Variants in CALCRL observed in about 807,000 individuals in gnomAD.
CALCRL encodes the protein calcitonin receptor like receptor, also known as calcitonin gene-related peptide type 1 receptor.
In CALCRL, 27 loss-of-function variants were observed where a neutral mutation model predicts 60.4. The ratio of observed to expected loss-of-function variants is 0.45; its 90% CI spans 0.33 to 0.62. The LOEUF (loss-of-function observed/expected upper bound fraction) is 0.62. CALCRL is among the 20% of genes least tolerant of loss of function. The pLI, the probability that CALCRL is intolerant of heterozygous loss-of-function variation, is 0.03. For synonymous variants in CALCRL, 190 were observed against 182.6 expected, an observed-to-expected ratio of 1.04 and a Z score of -0.33; for missense variants, 424 against 540.7, an observed-to-expected ratio of 0.78 and a Z score of 2.14.
chr2:187,345,893 A>G lies in CALCRL; in HGVS notation c.*291T>C. On this transcript the variant is annotated 3_prime_UTR_variant, in exon 15 of 15. Coordinates refer to ENST00000392370, the MANE Select transcript of CALCRL (RefSeq NM_005795.6). The stretch of plus-strand genomic sequence containing the variant: ...TGGAACTGGCTTACACCAGCTCAGA[A>G]AAGTTGATTGTGCTTTTCTCCAATT... 1 of 258,458 alleles carries G rather than the reference A, an allele frequency of 3.9e-6. No individual in the cohort carries two copies. Among genetic ancestry groups the G allele is most frequent in the South Asian group, 7.7e-5 (1 of 12,966 alleles). The allele number at this position is 258,458 out of a possible 1,614,324, so 16.0% of individuals were successfully genotyped here. A position where few individuals can be genotyped will look rare whatever the true frequency, so the allele number is the denominator to read the frequency against.
At chr2:187,419,037 T>A (rs928175514) in intron 1 of CALCRL, among the ~76,000 whole-genome samples, 1 of 146,358 alleles carries the variant, frequency 6.8e-6, no homozygotes, top group Admixed American at 6.8e-5. Flanking sequence ...TTTTTTTTTT[T>A]TTTTTTTTTT....
chr2:187,404,257 A>T (rs1409145474), intron 1 of CALCRL, among the ~76,000 whole-genome samples: 1 of 151,880 alleles, frequency 6.6e-6, no homozygotes, highest in Non-Finnish European at 1.5e-5. Flanking sequence ...ACCGAATCTT[A>T]AGATGGTGCA....
At chr2:187,346,621 T>G (rs1018970707) in intron 14 of CALCRL, among the ~76,000 whole-genome samples, 22 of 151,896 alleles carry the variant, frequency 1.4e-4, no homozygotes, top group South Asian at 4.1e-4. Flanking sequence ...TTACATTCCA[T>G]TAATATTTTT....
intron 1 of CALCRL, among the ~76,000 whole-genome samples, chr2:187,435,860 T>TGTGTG (rs1553516601): frequency 4.1e-5 from 3 of 72,870 alleles, no homozygotes; most frequent in African/African-American, 9.2e-5. Context: ...GTGTGTGTGT[T>TGTGTG]TGTGCGTGCG....
chr2:187,367,843 TTTTAAAATGCCATTTCAACA>T (rs1417885954), intron 8 of CALCRL, among the ~76,000 whole-genome samples: 1 of 152,112 alleles, frequency 6.6e-6, no homozygotes. Flanking sequence ...CATATAATTA[TTTTAAAATGCCATTTCAACA>T]TTTAAAATGC....
chr2:187,446,057 C>A (rs1691165663), intron 1 of CALCRL, among the ~76,000 whole-genome samples: 1 of 151,488 alleles, frequency 6.6e-6, no homozygotes, highest in Non-Finnish European at 1.5e-5. Flanking sequence ...AAAACATTAT[C>A]TCTTTAAGAA....
chr2:187,346,185 C>T lies in CALCRL; in HGVS notation c.1385G>A (p.Ter462=). 6.4e-7 allele frequency: 1 copy of T among 1,573,180 alleles called. No homozygotes were observed. Among genetic ancestry groups the T allele is most frequent in the Non-Finnish European group, 8.7e-7 (1 of 1,148,316 alleles). Residue 462 remains the stop codon, a stop_retained_variant, in exon 15 of 15, where the codon TGA becomes TAA. Coordinates refer to ENST00000392370, the MANE Select transcript of CALCRL (RefSeq NM_005795.6). ...AGTGAGACAACCATCCTTCTATTTT[C>T]AATTATATAAATTTTCTGGTTTTAA... ...VLLKPENLYN[*] is the part of the protein sequence containing the mutation.
intron 8 of CALCRL, among the ~76,000 whole-genome samples, chr2:187,369,726 A>C (rs1234510542): frequency 1.3e-5 from 2 of 152,180 alleles, no homozygotes; most frequent in Non-Finnish European, 2.9e-5. Context: ...AAATTAAACA[A>C]TGTAATCCCA....
intron 1 of CALCRL, among the ~76,000 whole-genome samples, chr2:187,395,732 T>A (rs973455487): frequency 6.6e-6 from 1 of 151,950 alleles, no homozygotes; most frequent in African/African-American, 2.4e-5. Context: ...ACACTCTCCA[T>A]GGAACTCATT....
chr2:187,406,142 A>G (rs1195168863), intron 1 of CALCRL, among the ~76,000 whole-genome samples: 1 of 151,340 alleles, frequency 6.6e-6, no homozygotes, highest in Non-Finnish European at 1.5e-5. Context: ...AGACCACCAA[A>G]CCACCATTCC....
intron 5 of CALCRL, among the ~76,000 whole-genome samples, chr2:187,381,935 T>A (rs1688002373): frequency 6.6e-6 from 1 of 152,206 alleles, no homozygotes; most frequent in Non-Finnish European, 1.5e-5. Context: ...AAAATTTTAA[T>A]GTTTCCCCAG....
chr2:187,382,989 T>G (rs1688041658), intron 5 of CALCRL, among the ~76,000 whole-genome samples, 184 bp downstream of exon 5: 1 of 152,152 alleles, frequency 6.6e-6, no homozygotes, highest in Admixed American at 6.5e-5. Context: ...ATTTTTATTG[T>G]TTTTAAAAAG....
intron 12 of CALCRL, 95 bp downstream of exon 12, chr2:187,358,968 G>A (rs971854588): frequency 3.2e-5 from 30 of 948,654 alleles, no homozygotes; most frequent in Admixed American, 1.9e-4. Flanking sequence ...GTCCATCTGT[G>A]TCCACTGGGA....
intron 8 of CALCRL, among the ~76,000 whole-genome samples, chr2:187,374,651 T>A (rs1687669316): frequency 6.6e-6 from 1 of 152,114 alleles, no homozygotes; most frequent in South Asian, 2.1e-4. Flanking sequence ...ATTTTTTTGT[T>A]TTGTTTTGTT....
In CALCRL at chr2:187,432,621, CCTT is replaced by C. The variant is rs550472151; in HGVS notation, c.-293+15415_-293+15417del. On this transcript the variant is annotated intron_variant, in intron 1 of 14. Transcript: ENST00000392370. ...AAAAATTACCTTGTAAATGTTTACT[CCTT>C]CATGTGTTTTTAAAACATATTATAT... Among the ~76,000 whole-genome samples, 27 of 152,158 alleles carry C rather than the reference CCTT, an allele frequency of 1.8e-4. No individual in the cohort carries two copies. The East Asian group carries it at 5.2e-3, about 29-fold the overall frequency.
At chr2:187,362,055 C>A (rs955311476) in intron 9 of CALCRL, among the ~76,000 whole-genome samples, 3 of 151,798 alleles carry the variant, frequency 2.0e-5, no homozygotes, top group Non-Finnish European at 4.4e-5. Flanking sequence ...ATATTTAATT[C>A]GGCTTCTAAT....
chr2:187,369,118 C>G (rs561172797), intron 8 of CALCRL, among the ~76,000 whole-genome samples: 1 of 152,146 alleles, frequency 6.6e-6, no homozygotes, highest in Admixed American at 6.5e-5. Context: ...TATGCTCCCT[C>G]TTCCCATGCC....
intron 8 of CALCRL, among the ~76,000 whole-genome samples, chr2:187,378,367 A>G (rs1329914455): frequency 6.6e-6 from 1 of 152,144 alleles, no homozygotes; most frequent in East Asian, 1.9e-4. Context: ...TAAATTTAAA[A>G]TTGGTTGTTG....
chr2:187,381,684 G>A (rs1005147062), intron 5 of CALCRL, among the ~76,000 whole-genome samples: 4 of 152,030 alleles, frequency 2.6e-5, no homozygotes, highest in Non-Finnish European at 5.9e-5. Flanking sequence ...TCAATCTCTT[G>A]ACCTCTTGAT....
Sources: allele counts gnomAD v4.1 joint callset (sites outside exome capture counted in the v4.1 genomes callset), GRCh38; gene constraint gnomAD v4.1.1; transcripts MANE v1.5; gene names NCBI Gene and HGNC (gene_info 2026-07-23, HGNC 2026-07-21).